Variants in SLC24A2 observed in about 807,000 individuals in gnomAD.
SLC24A2 encodes the protein sodium/potassium/calcium exchanger 2.
SLC24A2 carries 36 observed loss-of-function variants against 62.0 expected under a neutral mutation model. The ratio of observed to expected loss-of-function variants is 0.58; its 90% CI spans 0.44 to 0.77. The LOEUF (loss-of-function observed/expected upper bound fraction) is 0.77. Ranked by LOEUF, SLC24A2 falls within the 30% of genes least tolerant of loss-of-function variation. The pLI is 0.00. For synonymous variants in SLC24A2, 358 were observed against 294.0 expected (o/e 1.22, Z -2.23); for missense variants, 846 against 817.9 (o/e 1.03, Z -0.42).
chr9:20,181,305 A>T, the SLC24A2 span, among the ~76,000 whole-genome samples: 1 of 152,134 alleles, frequency 6.6e-6, no homozygotes. Flanking sequence ...ACTAAATGTG[A>T]TGATGTATTT....
chr9:19,921,518 TAA>T, the SLC24A2 span, among the ~76,000 whole-genome samples: 36 of 123,182 alleles, frequency 2.9e-4, no homozygotes, highest in African/African-American at 6.6e-4. Context: ...AGACTCCGTG[TAA>T]AAAAAAAAAA....
At chr9:19,948,472 A>C in the SLC24A2 span, among the ~76,000 whole-genome samples, 7 of 152,374 alleles carry the variant, frequency 4.6e-5, no homozygotes, top group African/African-American at 1.7e-4. Context: ...AATTTTAAGT[A>C]AAATAAATAT....
At chr9:19,596,751 A>T (rs575304900) in intron 5 of SLC24A2, among the ~76,000 whole-genome samples, 20 of 152,218 alleles carry the variant, frequency 1.3e-4, no homozygotes, top group Admixed American at 3.3e-4. Context: ...CCATGAGCCT[A>T]CAGTCCTCCA....
chr9:20,017,675 C>T, the SLC24A2 span, among the ~76,000 whole-genome samples: 1 of 152,138 alleles, frequency 6.6e-6, no homozygotes, highest in East Asian at 1.9e-4. Flanking sequence ...GCCAAATGCC[C>T]AAGAGCCCCT....
intron 6 of SLC24A2, among the ~76,000 whole-genome samples, chr9:19,575,319 G>A (rs776516405): frequency 4.6e-5 from 7 of 152,162 alleles, no homozygotes; most frequent in Non-Finnish European, 7.3e-5. Context: ...TCTGTTTGGA[G>A]AATTCTATTG....
the SLC24A2 span, among the ~76,000 whole-genome samples, chr9:20,264,730 G>C: frequency 6.6e-6 from 1 of 152,154 alleles, no homozygotes; most frequent in Non-Finnish European, 1.5e-5. Context: ...CTTAATATTT[G>C]TTTCTCTTTT....
chr9:20,264,663 A>G, the SLC24A2 span, among the ~76,000 whole-genome samples: 363 of 152,312 alleles, frequency 2.4e-3, 4 homozygotes, highest in Admixed American at 0.022. Context: ...TAAATTATAT[A>G]GTGTCCTTGT....
At chr9:19,854,404 C>T in the SLC24A2 span, among the ~76,000 whole-genome samples, 4 of 152,088 alleles carry the variant, frequency 2.6e-5, no homozygotes, top group African/African-American at 9.7e-5. Flanking sequence ...AATTTGAGAT[C>T]TTTCTGGCTT....
chr9:20,179,979 C>A, the SLC24A2 span, among the ~76,000 whole-genome samples: 1 of 152,150 alleles, frequency 6.6e-6, no homozygotes, highest in South Asian at 2.1e-4. Context: ...CAACCAGTAA[C>A]CAACACAGTA....
At chr9:19,993,604 C>T in the SLC24A2 span, among the ~76,000 whole-genome samples, 8 of 152,134 alleles carry the variant, frequency 5.3e-5, no homozygotes, top group East Asian at 1.9e-4. Flanking sequence ...TTCAGGGCAG[C>T]GTGCCACATT....
chr9:19,565,482 A>C (rs1311157694), intron 7 of SLC24A2, among the ~76,000 whole-genome samples: 1 of 151,214 alleles, frequency 6.6e-6, no homozygotes, highest in Non-Finnish European at 1.5e-5. Context: ...AAACAAATGG[A>C]AGAACATTCC....
chr9:20,290,430 C>G, the SLC24A2 span, among the ~76,000 whole-genome samples: 2 of 152,254 alleles, frequency 1.3e-5, no homozygotes, highest in African/African-American at 4.8e-5. Context: ...CTCTCCCTCC[C>G]TTGCCCCTCT....
the SLC24A2 span, among the ~76,000 whole-genome samples, chr9:19,832,023 G>A: frequency 0.79 from 120,654 of 152,160 alleles, 50,528 homozygotes; most frequent in Non-Finnish European, 0.94. Flanking sequence ...GTTGTTTGTT[G>A]TGAAGTCTGT....
chr9:20,114,669 T>C, the SLC24A2 span, among the ~76,000 whole-genome samples: 1 of 152,192 alleles, frequency 6.6e-6, no homozygotes, highest in Admixed American at 6.6e-5. Flanking sequence ...AATGAGTATC[T>C]ACCATGTGCT....
At chr9:19,902,857 T>A in the SLC24A2 span, among the ~76,000 whole-genome samples, 2 of 152,188 alleles carry the variant, frequency 1.3e-5, no homozygotes, top group South Asian at 2.1e-4. Context: ...GTTACAGATA[T>A]AACATATTTG....
the SLC24A2 span, among the ~76,000 whole-genome samples, chr9:20,269,960 C>T: frequency 0.29 from 44,371 of 152,026 alleles, 6,685 homozygotes; most frequent in South Asian, 0.42. Flanking sequence ...AGTCCAGGGG[C>T]ATGGCCCTGC....
At chr9:19,586,854 C>G (rs966944906) in intron 5 of SLC24A2, among the ~76,000 whole-genome samples, 1 of 152,168 alleles carries the variant, frequency 6.6e-6, no homozygotes, top group African/African-American at 2.4e-5. Flanking sequence ...CAAAGAAATT[C>G]TCAGAGGTTT....
At chr9:20,200,839 T>C in the SLC24A2 span, among the ~76,000 whole-genome samples, 1 of 152,328 alleles carries the variant, frequency 6.6e-6, no homozygotes, top group South Asian at 2.1e-4. Context: ...CCAAAGCTTT[T>C]GGACCGTAGT....
At chr9:20,108,254 T>G in the SLC24A2 span, among the ~76,000 whole-genome samples, 1 of 152,138 alleles carries the variant, frequency 6.6e-6, no homozygotes, top group Admixed American at 6.5e-5. Flanking sequence ...TTGATGGGAC[T>G]GTAAACTAGT....
Sources: allele counts gnomAD v4.1 joint callset (sites outside exome capture counted in the v4.1 genomes callset), GRCh38; gene constraint gnomAD v4.1.1; transcripts MANE v1.5; gene names NCBI Gene and HGNC (gene_info 2026-07-23, HGNC 2026-07-21).